Variants in RAB38 observed in about 807,000 individuals in gnomAD.
RAB38 encodes ras-related protein Rab-38.
Under a neutral mutation model 18.4 loss-of-function variants are expected in RAB38, and 15 were observed. That is an observed-to-expected ratio of 0.82 (90% CI 0.55 to 1.26). The LOEUF (loss-of-function observed/expected upper bound fraction) is 1.26. RAB38 is among the 50% of genes most tolerant of loss of function. The probability of loss-of-function intolerance (pLI) is 0.00; values close to 1 mark genes in which losing one functional copy is unlikely to be tolerated. For missense variants in RAB38, 294 were observed against 267.4 expected, an observed-to-expected ratio of 1.10 and a Z score of -0.69; for synonymous variants, 101 against 104.4, an observed-to-expected ratio of 0.97 and a Z score of 0.20.
At chr11:88,041,209 A>T in the RAB38 span, among the ~76,000 whole-genome samples, 1 of 152,230 alleles carries the variant, frequency 6.6e-6, no homozygotes, top group Non-Finnish European at 1.5e-5. Context: ...ACTTCAGAAT[A>T]AATCCATACT....
chr11:88,013,945 G>T, the RAB38 span, among the ~76,000 whole-genome samples: 1 of 152,108 alleles, frequency 6.6e-6, no homozygotes, highest in African/African-American at 2.4e-5. Flanking sequence ...CAGAATAGCA[G>T]CAGCAGCAGC....
At chr11:88,022,759 ATG>A in the RAB38 span, among the ~76,000 whole-genome samples, 2 of 152,218 alleles carry the variant, frequency 1.3e-5, no homozygotes, top group Admixed American at 1.3e-4. Flanking sequence ...TCCATGGTGT[ATG>A]TGTACCACAT....
At chr11:88,021,305 G>A in the RAB38 span, among the ~76,000 whole-genome samples, 2 of 152,096 alleles carry the variant, frequency 1.3e-5, no homozygotes, top group African/African-American at 4.8e-5. Context: ...GCTGCTGTCA[G>A]CAACTATATG....
the RAB38 span, among the ~76,000 whole-genome samples, chr11:87,875,160 A>G: frequency 6.6e-6 from 1 of 151,462 alleles, no homozygotes; most frequent in Non-Finnish European, 1.5e-5. Context: ...TTCAGAGAGT[A>G]AATTTTAAAT....
chr11:87,919,675 T>C, the RAB38 span, among the ~76,000 whole-genome samples: 1 of 151,980 alleles, frequency 6.6e-6, no homozygotes, highest in Non-Finnish European at 1.5e-5. Flanking sequence ...TGAGAAAGAC[T>C]GGTATTAGTT....
the RAB38 span, among the ~76,000 whole-genome samples, chr11:87,903,068 CT>C: frequency 1.3e-5 from 2 of 151,054 alleles, no homozygotes; most frequent in African/African-American, 2.4e-5. Flanking sequence ...TTATTTATTT[CT>C]TTTTTTGCCT....
At chr11:87,977,892 G>GTTATAT in the RAB38 span, among the ~76,000 whole-genome samples, 3 of 95,758 alleles carry the variant, frequency 3.1e-5, no homozygotes, top group East Asian at 3.0e-4. Context: ...TGTAGTCATA[G>GTTATAT]ATTTACATAT....
At chr11:87,842,814 GCGCACACACA>G in the RAB38 span, among the ~76,000 whole-genome samples, 22 of 76,182 alleles carry the variant, frequency 2.9e-4, no homozygotes, top group African/African-American at 8.2e-4. Flanking sequence ...ACACACGCGC[GCGCACACACA>G]CACACACACA....
the RAB38 span, among the ~76,000 whole-genome samples, chr11:88,090,430 T>C: frequency 2.0e-5 from 3 of 151,956 alleles, no homozygotes; most frequent in Non-Finnish European, 2.9e-5. Context: ...AATGGGCCTT[T>C]GCAATTTTTC....
chr11:87,893,044 G>A, the RAB38 span, among the ~76,000 whole-genome samples: 1 of 151,614 alleles, frequency 6.6e-6, no homozygotes, highest in Non-Finnish European at 1.5e-5. Context: ...CATTTAGTAT[G>A]TTGCTCCACA....
At chr11:87,873,902 A>ATG in the RAB38 span, among the ~76,000 whole-genome samples, 1 of 101,610 alleles carries the variant, frequency 9.8e-6, no homozygotes, top group Non-Finnish European at 2.0e-5. Flanking sequence ...GTATATATAT[A>ATG]TATATATGTG....
At chr11:88,064,835 A>T in the RAB38 span, among the ~76,000 whole-genome samples, 1 of 151,994 alleles carries the variant, frequency 6.6e-6, no homozygotes, top group Non-Finnish European at 1.5e-5. Context: ...ATGTTTTGTG[A>T]ATGCCTACTG....
At chr11:88,057,064 G>A in the RAB38 span, among the ~76,000 whole-genome samples, 25 of 152,248 alleles carry the variant, frequency 1.6e-4, no homozygotes, top group South Asian at 4.8e-3. Context: ...CAGTTTAAAT[G>A]CAGCTGATCT....
chr11:87,942,006 C>G, the RAB38 span, among the ~76,000 whole-genome samples: 2 of 152,182 alleles, frequency 1.3e-5, no homozygotes. Flanking sequence ...GCTGACAGCC[C>G]TGACTTCTTG....
the RAB38 span, among the ~76,000 whole-genome samples, chr11:88,101,246 A>G: frequency 6.6e-6 from 1 of 151,944 alleles, no homozygotes; most frequent in Non-Finnish European, 1.5e-5. Context: ...TTCTGAAAAT[A>G]ATATTCACAT....
chr11:88,173,865 C>A (rs1326496015), intron 1 of RAB38: 31 of 985,298 alleles, frequency 3.1e-5, no homozygotes, highest in Non-Finnish European at 3.7e-5. Context: ...CCTGGCAGTT[C>A]ATGATTAAAG....
At chr11:88,044,046 T>G in the RAB38 span, among the ~76,000 whole-genome samples, 1 of 152,216 alleles carries the variant, frequency 6.6e-6, no homozygotes, top group Non-Finnish European at 1.5e-5. Context: ...AGTCTCTCCC[T>G]TCTCTTAATT....
the RAB38 span, among the ~76,000 whole-genome samples, chr11:88,088,034 C>T: frequency 6.6e-6 from 1 of 151,846 alleles, no homozygotes; most frequent in Admixed American, 6.6e-5. Context: ...TAGGCCCTGC[C>T]TAGCATTGGA....
At chr11:87,923,561 G>A in the RAB38 span, among the ~76,000 whole-genome samples, 1 of 151,156 alleles carries the variant, frequency 6.6e-6, no homozygotes, top group African/African-American at 2.4e-5. Flanking sequence ...GTGTGTGTGT[G>A]TGTGTGTGTG....
Sources: allele counts gnomAD v4.1 joint callset (sites outside exome capture counted in the v4.1 genomes callset), GRCh38; gene constraint gnomAD v4.1.1; transcripts MANE v1.5; gene names NCBI Gene and HGNC (gene_info 2026-07-23, HGNC 2026-07-21).